RCBTB2: variants seen among roughly 807,000 people sequenced by gnomAD.
RCBTB2 encodes the protein RCC1 and BTB domain containing protein 2, also known as RCC1 and BTB domain-containing protein 2.
A neutral mutation model predicts 65.4 loss-of-function variants in RCBTB2; 55 were observed. The ratio of observed to expected loss-of-function variants is 0.84; its 90% CI spans 0.68 to 1.05. The LOEUF is 1.05. RCBTB2 is among the 50% of genes least tolerant of loss of function. RCBTB2 has a pLI of 0.00. For synonymous variants in RCBTB2, 220 were observed against 255.2 expected (o/e 0.86, Z 1.31); for missense variants, 599 against 680.1 (o/e 0.88, Z 1.33).
Position 48,514,079 on chromosome 13 carries a change from G to C in RCBTB2, c.349+1126C>G, listed in dbSNP as rs144859518. 5.8e-3 allele frequency among the ~76,000 whole-genome samples: 879 copies of C among 152,256 alleles called. 6 individuals are homozygous for C. Among genetic ancestry groups the C allele is most frequent in the Middle Eastern group, 0.01 (3 of 294 alleles). ...CCATAAATCTTAACAACCTCAGCAT[G>C]GAAACTCTCCATTTTTCATTTAAAG... On this transcript the variant is annotated intron_variant, in intron 6 of 14. Transcript: ENST00000344532.
upstream of RCBTB2, among the ~76,000 whole-genome samples, chr13:48,535,282 A>C (rs1952349693): frequency 6.8e-6 from 1 of 146,790 alleles, no homozygotes; most frequent in Non-Finnish European, 1.5e-5. Flanking sequence ...TTGAGATAGA[A>C]TCTTGCTCTG....
intron 10 of RCBTB2, among the ~76,000 whole-genome samples, chr13:48,503,689 C>T (rs1342595130): frequency 6.6e-6 from 1 of 152,156 alleles, no homozygotes; most frequent in Non-Finnish European, 1.5e-5. Context: ...GCTGGGACTA[C>T]AGGTGCAAGC....
intron 2 of RCBTB2, among the ~76,000 whole-genome samples, chr13:48,523,381 A>G (rs1328571684): frequency 6.6e-6 from 1 of 152,200 alleles, no homozygotes. Flanking sequence ...GCCTCATATG[A>G]CAGTTATTCT....
At chr13:48,494,412 C>T (rs1239127380) in intron 14 of RCBTB2, among the ~76,000 whole-genome samples, 1 of 152,132 alleles carries the variant, frequency 6.6e-6, no homozygotes, top group Non-Finnish European at 1.5e-5. Flanking sequence ...ATTAGCTGGA[C>T]AGGCTGTAGT....
chr13:48,499,111 AACACACACACACACACAC>A (rs142443945), intron 13 of RCBTB2, among the ~76,000 whole-genome samples: 3 of 105,862 alleles, frequency 2.8e-5, no homozygotes, highest in African/African-American at 1.3e-4. Flanking sequence ...CCCCCACCCC[AACACACACACACACACAC>A]ACACACACAC....
intron 14 of RCBTB2, among the ~76,000 whole-genome samples, chr13:48,490,957 A>G (rs1949672532): frequency 6.6e-6 from 1 of 152,194 alleles, no homozygotes; most frequent in South Asian, 2.1e-4. Context: ...GATTAGAACT[A>G]TAACTTGAAA....
intron 12 of RCBTB2, among the ~76,000 whole-genome samples, chr13:48,501,482 C>A (rs552673749): frequency 6.6e-6 from 1 of 152,148 alleles, no homozygotes; most frequent in African/African-American, 2.4e-5. Flanking sequence ...TTGGAGCGTG[C>A]GCTGGCTGCT....
At position 48,499,648 on chromosome 13, in the gene RCBTB2, T is replaced by C. The variant is rs1441808556; in HGVS notation, c.1357A>G (p.Ile453Val). ...ACTGCCTCCTCAGGAGAAAGGCTGA[T>C]GCTGTCTGTGTATAGGTATTCCAGG... Reference protein sequence around the residue: ...AFLEYLYTDSISLSPEEAVGL... With the variant: ...AFLEYLYTDSVSLSPEEAVGL... Residue 453 changes from isoleucine to valine, a missense_variant, in exon 13 of 15, where the codon ATC becomes GTC. By Grantham distance (29) the Ile-to-Val change is conservative. Coordinates refer to ENST00000344532, the MANE Select transcript of RCBTB2 (RefSeq NM_001268.4). The C allele has an allele frequency of 1.2e-6, 2 of 1,614,114 alleles. No individual in the cohort carries two copies. Among genetic ancestry groups the C allele is most frequent in the African/African-American group, 2.7e-5 (2 of 74,936 alleles).
intron 6 of RCBTB2, among the ~76,000 whole-genome samples, chr13:48,513,212 A>G (rs1950902971): frequency 6.6e-6 from 1 of 152,230 alleles, no homozygotes; most frequent in African/African-American, 2.4e-5. Flanking sequence ...TTAGAAGGCC[A>G]CTTAACTCCC....
In RCBTB2 at chr13:48,515,287, AGG is replaced by A; in HGVS notation, c.265_266del (p.Pro89SerfsTer37). ...GLGDVQSTIE[P>X]RRLDSLNGKK... ...TGCCATTTAAAGAATCCAGTCTCCG[AGG>A]TTCAATGGTGCTCTGGACGTCACCT... On this transcript the variant is annotated frameshift_variant, in exon 6 of 15. Coordinates refer to ENST00000344532, the MANE Select transcript of RCBTB2 (RefSeq NM_001268.4). LOFTEE classifies it high-confidence loss of function. 6.2e-7 allele frequency: 1 copy of A among 1,614,130 alleles called. No individual in the cohort carries two copies. The highest frequency in any genetic ancestry group is 8.5e-7 in the Non-Finnish European group (1 of 1,179,986).
intron 10 of RCBTB2, among the ~76,000 whole-genome samples, chr13:48,506,847 A>C (rs1299811855): frequency 6.6e-6 from 1 of 152,208 alleles, no homozygotes; most frequent in Non-Finnish European, 1.5e-5. Context: ...CATTTTTTGG[A>C]ATCATTTCTG....
In RCBTB2 at chr13:48,524,643, C is replaced by A. The variant is rs935701540; in HGVS notation, c.-120+16G>T. ...TACTGACTGGCTGGGAGCATTCCCT[C>A]CAAAAACTTTTGTACCTGATTGTTT... On this transcript the variant is annotated intron_variant, in intron 2 of 14. Coordinates refer to ENST00000344532, the MANE Select transcript of RCBTB2 (RefSeq NM_001268.4). 6.6e-6 allele frequency: 1 copy of A among 152,192 alleles called. No homozygotes were observed. The highest frequency in any genetic ancestry group is 2.4e-5 in the African/African-American group (1 of 41,444). 9.4% of individuals were successfully genotyped at this position (152,192 alleles called of 1,614,324 possible). A position where few individuals can be genotyped will look rare whatever the true frequency, so the allele number is the denominator to read the frequency against.
chr13:48,490,214 T>C lies in RCBTB2; in HGVS notation c.1553A>G (p.His518Arg), dbSNP rs765645958. The C allele has an allele frequency of 1.2e-6, 2 of 1,613,714 alleles. No homozygotes were observed. Among genetic ancestry groups the C allele is most frequent in the African/African-American group, 1.3e-5 (1 of 74,942 alleles). The change falls in exon 15 of 15, where the codon CAT (histidine) becomes CGT (arginine). Residue 518 changes from histidine (H) to arginine (R), a missense_variant. His to Arg is a conservative substitution (Grantham distance 29, BLOSUM62 0). Coordinates refer to ENST00000344532, the MANE Select transcript of RCBTB2 (RefSeq NM_001268.4). ...EEFCFRFCIN[H>R]LTVVTQTSGF... ...TGATGTTTGTGTTACTACAGTCAGA[T>C]GGTTTATGCAAAACCTGAAGCAGAA... is the stretch of plus-strand genomic sequence containing the variant.
chr13:48,527,316 G>C (rs558432271), intron 1 of RCBTB2, among the ~76,000 whole-genome samples: 2 of 69,020 alleles, frequency 2.9e-5, no homozygotes, highest in African/African-American at 2.0e-4. Context: ...TATATGACTT[G>C]GCTCATATAT....
At position 48,522,351 on chromosome 13, in the gene RCBTB2, G is replaced by A. The variant is rs1214303641; in HGVS notation, c.-67C>T. On this transcript the variant is annotated 5_prime_UTR_variant, in exon 3 of 15. Coordinates refer to ENST00000344532, the MANE Select transcript of RCBTB2 (RefSeq NM_001268.4). Reference sequence around the variant, plus strand: ...GGGATTGGAAAGTTCCAAATCACGGGGAAGAGCGGACATCAATTCTCAGCT... The same window carrying A: ...GGGATTGGAAAGTTCCAAATCACGGAGAAGAGCGGACATCAATTCTCAGCT... 9.2e-6 allele frequency: 14 copies of A among 1,528,962 alleles called. No homozygotes were observed. In the Admixed American group the frequency reaches 2.4e-4, roughly 26 times the overall value. 94.7% of individuals were successfully genotyped at this position (1,528,962 alleles called of 1,614,324 possible).
At chr13:48,510,328 A>C (rs539440215) in intron 10 of RCBTB2, among the ~76,000 whole-genome samples, 1 of 152,218 alleles carries the variant, frequency 6.6e-6, no homozygotes, top group East Asian at 1.9e-4. Context: ...GGAGGAGGGC[A>C]AAAGGGTGAT....
rs1447279018 is a variant in RCBTB2 at position 48,506,573 on chromosome 13, C to T, written c.927-3659G>A. Among the ~76,000 whole-genome samples, 4 of 152,126 alleles carry T rather than the reference C, an allele frequency of 2.6e-5. No homozygotes were observed. In the East Asian group the frequency reaches 5.8e-4, roughly 22 times the overall value. The stretch of plus-strand genomic sequence containing the variant: ...CAGGGGATGAGTCTAAGAAAACCCC[C>T]GGCTGGCAGTGCTGAGGGAGGCAGA... On this transcript the variant is annotated intron_variant, in intron 10 of 14. Coordinates refer to ENST00000344532, the MANE Select transcript of RCBTB2 (RefSeq NM_001268.4).
chr13:48,497,927 A>G (rs9535035), intron 13 of RCBTB2, among the ~76,000 whole-genome samples: 68,220 of 152,164 alleles, frequency 0.45, 19,987 homozygotes, highest in African/African-American at 0.84. Flanking sequence ...CCCAAGCCCC[A>G]GCTCTGCGCC....
At chr13:48,534,502 T>G (rs932728923), upstream of RCBTB2, among the ~76,000 whole-genome samples, 4 of 152,240 alleles carry the variant, frequency 2.6e-5, no homozygotes, top group African/African-American at 9.6e-5. Context: ...GCACTTGGTC[T>G]TTTACGCATT....
Sources: allele counts gnomAD v4.1 joint callset (sites outside exome capture counted in the v4.1 genomes callset), GRCh38; gene constraint gnomAD v4.1.1; transcripts MANE v1.5; gene names NCBI Gene and HGNC (gene_info 2026-07-23, HGNC 2026-07-21).